ARB2A: variants seen among roughly 807,000 people sequenced by gnomAD.
ARB2A encodes cotranscriptional regulator ARB2A.
the ARB2A span, chr5:93,824,117 T>G: frequency 3.8e-5 from 57 of 1,503,510 alleles, no homozygotes; most frequent in Non-Finnish European, 4.8e-5. Flanking sequence ...ACAAGGAGAC[T>G]GGAACTACAG....
At chr5:93,652,897 A>G in the ARB2A span, among the ~76,000 whole-genome samples, 2 of 152,212 alleles carry the variant, frequency 1.3e-5, no homozygotes, top group Admixed American at 1.3e-4. Context: ...GAGTTGTAGC[A>G]GGTGGAAAAA....
At chr5:93,922,064 T>G in the ARB2A span, among the ~76,000 whole-genome samples, 2 of 152,122 alleles carry the variant, frequency 1.3e-5, no homozygotes, top group African/African-American at 4.8e-5. Flanking sequence ...TAGAAAGCAT[T>G]GTCAATGCCA....
chr5:93,990,010 C>A, the ARB2A span, among the ~76,000 whole-genome samples: 4 of 152,070 alleles, frequency 2.6e-5, no homozygotes, highest in East Asian at 7.7e-4. Context: ...ATCAAGGAAA[C>A]ACATTAAAGT....
At chr5:94,030,522 T>C in the ARB2A span, among the ~76,000 whole-genome samples, 5 of 152,380 alleles carry the variant, frequency 3.3e-5, no homozygotes, top group African/African-American at 1.2e-4. Flanking sequence ...CCTTCTCATG[T>C]GTGGAATCTC....
the ARB2A span, among the ~76,000 whole-genome samples, chr5:93,632,346 C>T: frequency 6.6e-6 from 1 of 152,040 alleles, no homozygotes; most frequent in Non-Finnish European, 1.5e-5. Flanking sequence ...GTGCTTTAGG[C>T]AGAGTTGTGG....
At chr5:93,863,415 A>C in the ARB2A span, 1 of 151,568 alleles carries the variant, frequency 6.6e-6, no homozygotes, top group East Asian at 1.9e-4. Flanking sequence ...TACCATGCCC[A>C]ACTAATTATC....
the ARB2A span, among the ~76,000 whole-genome samples, chr5:94,105,647 A>C: frequency 2.0e-5 from 3 of 152,074 alleles, no homozygotes; most frequent in South Asian, 4.1e-4. Flanking sequence ...TTCATATGGA[A>C]CTGAAAAATA....
the ARB2A span, among the ~76,000 whole-genome samples, chr5:93,673,115 T>C: frequency 6.6e-6 from 1 of 152,354 alleles, no homozygotes; most frequent in African/African-American, 2.4e-5. Context: ...CTAGTTCTAT[T>C]TCCTTTTTCT....
chr5:93,820,099 T>C, the ARB2A span, among the ~76,000 whole-genome samples: 3 of 152,182 alleles, frequency 2.0e-5, no homozygotes, highest in Non-Finnish European at 4.4e-5. Context: ...AAACACAAAA[T>C]TTGTATCAGT....
At chr5:93,673,149 A>C in the ARB2A span, among the ~76,000 whole-genome samples, 1 of 152,214 alleles carries the variant, frequency 6.6e-6, no homozygotes, top group Non-Finnish European at 1.5e-5. Flanking sequence ...GATTTTATAG[A>C]TAGCCAACAG....
At chr5:93,741,699 C>A in the ARB2A span, 4 of 1,045,006 alleles carry the variant, frequency 3.8e-6, no homozygotes, top group Non-Finnish European at 4.0e-6. Flanking sequence ...TGTGCGTAGG[C>A]GGGGAAATCT....
the ARB2A span, among the ~76,000 whole-genome samples, chr5:93,913,470 G>GTTATT: frequency 3.3e-5 from 5 of 151,742 alleles, no homozygotes; most frequent in African/African-American, 1.2e-4. Flanking sequence ...TGTCCTCCTC[G>GTTATT]GATACTAGAG....
the ARB2A span, among the ~76,000 whole-genome samples, chr5:94,007,444 T>C: frequency 6.6e-6 from 1 of 152,088 alleles, no homozygotes; most frequent in Non-Finnish European, 1.5e-5. Flanking sequence ...ACTAGAAACC[T>C]AAGAAGTTAA....
At chr5:93,735,121 A>C in the ARB2A span, 1 of 152,278 alleles carries the variant, frequency 6.6e-6, no homozygotes, top group African/African-American at 2.4e-5. Flanking sequence ...TTAACTACTT[A>C]ACAATATAGT....
the ARB2A span, among the ~76,000 whole-genome samples, chr5:93,873,682 C>T: frequency 6.6e-6 from 1 of 152,086 alleles, no homozygotes; most frequent in Non-Finnish European, 1.5e-5. Context: ...TATTTTAAGA[C>T]TGCCTTATTG....
At chr5:93,991,498 G>A in the ARB2A span, among the ~76,000 whole-genome samples, 1 of 151,564 alleles carries the variant, frequency 6.6e-6, no homozygotes, top group Non-Finnish European at 1.5e-5. Context: ...ATGAAATTAG[G>A]AGACAAGAAT....
At chr5:93,824,303 T>C in the ARB2A span, 2 of 1,444,936 alleles carry the variant, frequency 1.4e-6, no homozygotes, top group South Asian at 1.4e-5. Flanking sequence ...TTACATATTA[T>C]ACCTAATTAT....
At chr5:93,836,713 TG>T in the ARB2A span, among the ~76,000 whole-genome samples, 3 of 152,196 alleles carry the variant, frequency 2.0e-5, no homozygotes, top group Non-Finnish European at 4.4e-5. Flanking sequence ...AGGTGTATAC[TG>T]GATGCATAAA....
At chr5:93,853,608 T>A in the ARB2A span, among the ~76,000 whole-genome samples, 2 of 152,202 alleles carry the variant, frequency 1.3e-5, no homozygotes, top group South Asian at 4.1e-4. Context: ...CATAGATAGC[T>A]CTTATTATTT....
Sources: allele counts gnomAD v4.1 joint callset (sites outside exome capture counted in the v4.1 genomes callset), GRCh38; gene constraint gnomAD v4.1.1; transcripts MANE v1.5; gene names NCBI Gene and HGNC (gene_info 2026-07-23, HGNC 2026-07-21).